The following COL21A1 variants were observed in gnomAD, a reference collection of about 807,000 sequenced individuals.
COL21A1 encodes the protein collagen alpha-1(XXI) chain.
In COL21A1, 149 loss-of-function variants were observed where a neutral mutation model predicts 137.9. The ratio of observed to expected loss-of-function variants is 1.08; its 90% CI spans 0.95 to 1.24. COL21A1 has a LOEUF of 1.24. Ranked by LOEUF, COL21A1 falls within the 50% of genes most tolerant of loss-of-function variation. COL21A1 has a pLI of 0.00. For missense variants in COL21A1, 1,167 were observed against 1,158.4 expected, an observed-to-expected ratio of 1.01 and a Z score of -0.11; for synonymous variants, 456 against 391.5, an observed-to-expected ratio of 1.16 and a Z score of -1.95.
At chr6:56,187,345 C>T (rs4490668) in intron 1 of COL21A1, among the ~76,000 whole-genome samples, 95,151 of 151,956 alleles carry the variant, frequency 0.63, 30,102 homozygotes, top group East Asian at 0.86. Context: ...GACCCAATCA[C>T]CTCTTAAAGG....
intron 1 of COL21A1, among the ~76,000 whole-genome samples, chr6:56,322,757 T>A (rs984436670): frequency 6.6e-6 from 1 of 152,066 alleles, no homozygotes; most frequent in African/African-American, 2.4e-5. Flanking sequence ...AGTTGACTGT[T>A]GAGGACAGGT....
chr6:56,241,124 A>G (rs1041601752), intron 1 of COL21A1, among the ~76,000 whole-genome samples: 1 of 152,092 alleles, frequency 6.6e-6, no homozygotes, highest in Non-Finnish European at 1.5e-5. Context: ...CCTCCCAAAA[A>G]TCATGTGTAC....
intron 1 of COL21A1, among the ~76,000 whole-genome samples, chr6:56,339,082 T>A (rs912200264): frequency 1.3e-5 from 2 of 152,182 alleles, no homozygotes; most frequent in African/African-American, 4.8e-5. Flanking sequence ...ATCATCATCC[T>A]CTCAGATGGA....
intron 17 of COL21A1, among the ~76,000 whole-genome samples, chr6:56,088,649 C>A (rs1768494926): frequency 1.3e-5 from 2 of 152,152 alleles, no homozygotes; most frequent in Non-Finnish European, 2.9e-5. Context: ...AAAACCTTTT[C>A]TTATAATGTC....
intron 1 of COL21A1, among the ~76,000 whole-genome samples, chr6:56,382,884 C>T (rs1755236115): frequency 1.3e-5 from 2 of 152,182 alleles, no homozygotes; most frequent in Admixed American, 6.5e-5. Flanking sequence ...ACCAGAGGCT[C>T]TGGTGCTTCT....
At chr6:56,358,150 G>T (rs961820069) in intron 1 of COL21A1, among the ~76,000 whole-genome samples, 10 of 152,116 alleles carry the variant, frequency 6.6e-5, no homozygotes, top group Admixed American at 2.0e-4. Context: ...AAATGATGAT[G>T]TGTCACTTTT....
At chr6:56,104,018 AT>A (rs1162869504) in intron 16 of COL21A1, among the ~76,000 whole-genome samples, 1 of 152,216 alleles carries the variant, frequency 6.6e-6, no homozygotes, top group Non-Finnish European at 1.5e-5. Context: ...ATGAACTAGT[AT>A]AACATTATAT....
At chr6:56,114,539 A>C (rs916934593) in intron 16 of COL21A1, among the ~76,000 whole-genome samples, 2 of 152,246 alleles carry the variant, frequency 1.3e-5, no homozygotes, top group African/African-American at 2.4e-5. Context: ...TCTCAAAAGA[A>C]GACATTTATG....
intron 3 of COL21A1, among the ~76,000 whole-genome samples, chr6:56,177,759 T>G (rs1379499118): frequency 8.3e-6 from 1 of 120,062 alleles, no homozygotes; most frequent in Admixed American, 1.1e-4. Context: ...ACCACTGCAC[T>G]CCAGCCTGGG....
rs766667430 is a variant in COL21A1, at chr6:56,069,063, C to T, written c.2074G>A (p.Gly692Arg). 8 of 1,600,584 alleles carry T rather than the reference C, an allele frequency of 5.0e-6. No individual in the cohort carries two copies. In the Admixed American group the frequency reaches 6.9e-5, roughly 14 times the overall value. The change falls in exon 22 of 30, where the codon GGG becomes AGG. Residue 692 changes from glycine to arginine, a missense_variant. Coordinates refer to ENST00000244728, the MANE Select transcript of COL21A1 (RefSeq NM_030820.4). ...PGEPGYMGLPGIQGKKGDKGN... is the reference protein window; with the variant it reads ...PGEPGYMGLPRIQGKKGDKGN... ...ATGCATACCTTTTTTCCTTGAATCCCGGGTAAACCCATGTATCCTGGTTCT... is the reference window on the plus strand; with the variant it reads ...ATGCATACCTTTTTTCCTTGAATCCTGGGTAAACCCATGTATCCTGGTTCT...
At chr6:56,178,897 T>G (rs987127762) in intron 3 of COL21A1, among the ~76,000 whole-genome samples, 2 of 152,092 alleles carry the variant, frequency 1.3e-5, no homozygotes, top group African/African-American at 4.8e-5. Context: ...TGTCAGTAAT[T>G]TGAAGCTTTT....
chr6:56,360,611 C>T (rs894946455), intron 1 of COL21A1, among the ~76,000 whole-genome samples: 3 of 152,140 alleles, frequency 2.0e-5, no homozygotes, highest in African/African-American at 4.8e-5. Flanking sequence ...AAACCAAAAT[C>T]GTGTAGGTTG....
chr6:56,288,241 T>TAAAAAAAAAAAAAGAA (rs35871012), intron 1 of COL21A1, among the ~76,000 whole-genome samples: 1 of 110,200 alleles, frequency 9.1e-6, no homozygotes. Flanking sequence ...TATTACATTT[T>TAAAAAAAAAAAAAGAA]AAAAAAATAA....
At chr6:56,118,144 G>GTT (rs70986770) in intron 16 of COL21A1, among the ~76,000 whole-genome samples, 99 of 150,736 alleles carry the variant, frequency 6.6e-4, no homozygotes, top group Non-Finnish European at 9.9e-4. Flanking sequence ...ACAAAAAGTT[G>GTT]TTTTTTTTGA....
At chr6:56,257,530 A>G (rs192522861) in intron 1 of COL21A1, among the ~76,000 whole-genome samples, 4 of 152,162 alleles carry the variant, frequency 2.6e-5, no homozygotes, top group Admixed American at 1.3e-4. Context: ...AAAATGAAGA[A>G]AAAACCCCCA....
chr6:56,186,388 C>A (rs754995615), intron 1 of COL21A1, among the ~76,000 whole-genome samples: 3 of 152,158 alleles, frequency 2.0e-5, no homozygotes, highest in Admixed American at 6.5e-5. Context: ...AATCGACATA[C>A]AACATCACAT....
At chr6:56,147,047 G>T (rs1774888454) in intron 10 of COL21A1, among the ~76,000 whole-genome samples, 1 of 152,008 alleles carries the variant, frequency 6.6e-6, no homozygotes, top group Non-Finnish European at 1.5e-5. Flanking sequence ...ATTAAACTTT[G>T]GTAAACTGCC....
intron 1 of COL21A1, among the ~76,000 whole-genome samples, chr6:56,287,095 C>A (rs1029435901): frequency 2.6e-5 from 4 of 152,074 alleles, no homozygotes; most frequent in Admixed American, 6.6e-5. Context: ...TAATAGAAAT[C>A]AAAAATGATC....
intron 1 of COL21A1, among the ~76,000 whole-genome samples, chr6:56,255,764 A>C (rs1297106023): frequency 6.6e-6 from 1 of 152,166 alleles, no homozygotes; most frequent in Non-Finnish European, 1.5e-5. Context: ...TGCTTCTAAA[A>C]GCTCATGTCT....
Sources: gnomAD v4.1 joint callset for allele counts (sites outside exome capture counted in the v4.1 genomes callset) on GRCh38, gnomAD v4.1.1 for gene constraint, MANE v1.5 for transcripts, NCBI Gene and HGNC (gene_info 2026-07-23, HGNC 2026-07-21) for gene names.